The following BLTP3A variants were observed in gnomAD, a reference collection of about 807,000 sequenced individuals.
The protein encoded by BLTP3A is ICBP90 binding protein 1.
At chr6:34,838,339 TGAAAA>T in the BLTP3A span, among the ~76,000 whole-genome samples, 310 of 152,202 alleles carry the variant, frequency 2.0e-3, 1 homozygote, top group African/African-American at 7.0e-3. Flanking sequence ...TTGTTTCACT[TGAAAA>T]GAACATGAAT....
the BLTP3A span, among the ~76,000 whole-genome samples, chr6:34,848,567 T>C: frequency 6.6e-6 from 1 of 150,884 alleles, no homozygotes; most frequent in Non-Finnish European, 1.5e-5. Flanking sequence ...GATTGTACCA[T>C]TGCACTCCAG....
chr6:34,869,202 A>G, the BLTP3A span, among the ~76,000 whole-genome samples: 1 of 152,022 alleles, frequency 6.6e-6, no homozygotes, highest in Non-Finnish European at 1.5e-5. Context: ...GGGTTTCACC[A>G]TGTTGACCAG....
the BLTP3A span, chr6:34,864,307 A>T: frequency 8.9e-7 from 1 of 1,117,730 alleles, no homozygotes; most frequent in Non-Finnish European, 1.2e-6. Context: ...GATAATATAG[A>T]CATTTTCTTA....
the BLTP3A span, among the ~76,000 whole-genome samples, chr6:34,812,490 A>T: frequency 7.9e-5 from 12 of 152,148 alleles, no homozygotes; most frequent in African/African-American, 2.7e-4. Flanking sequence ...TTCTTTTTAG[A>T]GATAAGGTCT....
chr6:34,847,233 C>CT, the BLTP3A span, among the ~76,000 whole-genome samples: 58 of 143,402 alleles, frequency 4.0e-4, no homozygotes, highest in Admixed American at 1.0e-3. Context: ...TTTTCTTTTT[C>CT]TTTTTTTTTT....
the BLTP3A span, among the ~76,000 whole-genome samples, chr6:34,801,361 A>G: frequency 6.6e-6 from 1 of 152,160 alleles, no homozygotes; most frequent in Non-Finnish European, 1.5e-5. Context: ...TACTATATTA[A>G]GTTCTGGGTC....
chr6:34,800,982 G>A, the BLTP3A span, among the ~76,000 whole-genome samples: 1 of 152,104 alleles, frequency 6.6e-6, no homozygotes, highest in South Asian at 2.1e-4. Flanking sequence ...ACCTACCTGA[G>A]CCTCCCAAAG....
the BLTP3A span, chr6:34,871,132 G>A: frequency 3.7e-6 from 6 of 1,601,498 alleles, no homozygotes; most frequent in East Asian, 1.3e-4. Flanking sequence ...AGGAACCTTT[G>A]GTTTTTGCCA....
At chr6:34,876,786 TG>T in the BLTP3A span, 15 of 152,288 alleles carry the variant, frequency 9.8e-5, no homozygotes, top group African/African-American at 3.6e-4. Flanking sequence ...CATGCACCTC[TG>T]GGTAGGTATA....
chr6:34,808,368 AAAG>A, the BLTP3A span, among the ~76,000 whole-genome samples: 1 of 151,102 alleles, frequency 6.6e-6, no homozygotes, highest in South Asian at 2.1e-4. Context: ...AAAAAAAAAA[AAAG>A]AATAGAAATC....
the BLTP3A span, among the ~76,000 whole-genome samples, chr6:34,810,387 C>G: frequency 6.6e-6 from 1 of 152,204 alleles, no homozygotes; most frequent in Non-Finnish European, 1.5e-5. Flanking sequence ...ACGTTTTAAG[C>G]AGATCCTCAT....
the BLTP3A span, chr6:34,856,664 C>A: frequency 1.5e-6 from 2 of 1,293,944 alleles, no homozygotes; most frequent in African/African-American, 1.5e-5. Flanking sequence ...CATCCAGGAG[C>A]TAGACAGTGT....
chr6:34,805,503 G>C, the BLTP3A span, among the ~76,000 whole-genome samples: 8 of 150,598 alleles, frequency 5.3e-5, no homozygotes, highest in Admixed American at 4.7e-4. Context: ...TGAGGCAGGA[G>C]AATCACTTGA....
At chr6:34,818,297 T>A in the BLTP3A span, among the ~76,000 whole-genome samples, 1 of 152,040 alleles carries the variant, frequency 6.6e-6, no homozygotes, top group Non-Finnish European at 1.5e-5. Context: ...GGCAAAACCC[T>A]GTCTCTACAA....
the BLTP3A span, among the ~76,000 whole-genome samples, chr6:34,803,942 T>G: frequency 2.6e-5 from 4 of 152,174 alleles, no homozygotes; most frequent in Non-Finnish European, 5.9e-5. Context: ...AAATCTTTCT[T>G]TAAACTTGGA....
the BLTP3A span, among the ~76,000 whole-genome samples, chr6:34,868,009 T>C: frequency 2.0e-5 from 3 of 152,218 alleles, no homozygotes; most frequent in Admixed American, 6.5e-5. Flanking sequence ...TGTTACATAC[T>C]TCATTTAAAA....
At chr6:34,827,491 T>A in the BLTP3A span, among the ~76,000 whole-genome samples, 1 of 152,206 alleles carries the variant, frequency 6.6e-6, no homozygotes, top group East Asian at 1.9e-4. Context: ...TGATTTACTT[T>A]TTCAAGTTTC....
chr6:34,864,298 A>G, the BLTP3A span: 1 of 1,172,108 alleles, frequency 8.5e-7, no homozygotes, highest in Non-Finnish European at 1.2e-6. Context: ...CTGAGAGATG[A>G]TAATATAGAC....
chr6:34,802,259 G>A, the BLTP3A span, among the ~76,000 whole-genome samples: 2 of 152,026 alleles, frequency 1.3e-5, no homozygotes, highest in Non-Finnish European at 1.5e-5. Context: ...CGGCTGGAGT[G>A]CAACGGTGCG....
Sources: gnomAD v4.1 joint callset for allele counts (sites outside exome capture counted in the v4.1 genomes callset) on GRCh38, gnomAD v4.1.1 for gene constraint, MANE v1.5 for transcripts, NCBI Gene and HGNC (gene_info 2026-07-23, HGNC 2026-07-21) for gene names.